CHL1: variants seen among roughly 807,000 people sequenced by gnomAD.
CHL1 encodes cell adhesion molecule L1 like, also known as neural cell adhesion molecule L1-like protein.
CHL1 carries 96 observed loss-of-function variants against 141.9 expected under a neutral mutation model. The ratio of observed to expected loss-of-function variants is 0.68; its 90% CI spans 0.57 to 0.80. CHL1 has a LOEUF of 0.80. CHL1 is among the 30% of genes least tolerant of loss of function. The probability of loss-of-function intolerance (pLI) is 0.00; values close to 1 mark genes in which losing one functional copy is unlikely to be tolerated. For synonymous variants in CHL1, 613 were observed against 502.2 expected, an observed-to-expected ratio of 1.22 and a Z score of -2.95; for missense variants, 1,820 against 1,457.2, an observed-to-expected ratio of 1.25 and a Z score of -4.05.
intron 2 of CHL1, among the ~76,000 whole-genome samples, chr3:272,341 T>C (rs1164336486): frequency 1.3e-5 from 2 of 152,198 alleles, no homozygotes; most frequent in Non-Finnish European, 2.9e-5. Flanking sequence ...ACTTTGTTGT[T>C]TTTGCATAGA....
chr3:322,795 G>C (rs1315967389), intron 3 of CHL1, among the ~76,000 whole-genome samples: 1 of 150,468 alleles, frequency 6.6e-6, no homozygotes, highest in Non-Finnish European at 1.5e-5. Flanking sequence ...AGTGAGCCAT[G>C]ATCATGCCAC....
chr3:352,963 AT>A (rs907730979), intron 10 of CHL1, among the ~76,000 whole-genome samples: 1 of 152,176 alleles, frequency 6.6e-6, no homozygotes, highest in Non-Finnish European at 1.5e-5. Context: ...CTGCTCATCC[AT>A]AGTTGCTGTG....
chr3:360,110 GA>G (rs1212942440), intron 11 of CHL1, among the ~76,000 whole-genome samples, 173 bp from the exon 12 acceptor site: 1 of 152,154 alleles, frequency 6.6e-6, no homozygotes, highest in Non-Finnish European at 1.5e-5. Context: ...CATGGATCTG[GA>G]AAGAAAAGTC....
intron 2 of CHL1, among the ~76,000 whole-genome samples, chr3:318,345 T>C (rs539721711): frequency 6.6e-6 from 1 of 152,040 alleles, no homozygotes; most frequent in East Asian, 1.9e-4. Context: ...ACTATCTCTG[T>C]GTTAGCTAAC....
At chr3:316,149 G>A (rs1235345205) in intron 2 of CHL1, among the ~76,000 whole-genome samples, 3 of 152,030 alleles carry the variant, frequency 2.0e-5, no homozygotes, top group South Asian at 2.1e-4. Flanking sequence ...TGTACATGTG[G>A]CTGGGAAGGG....
At chr3:258,352 G>A (rs1694374460) in intron 2 of CHL1, among the ~76,000 whole-genome samples, 1 of 152,224 alleles carries the variant, frequency 6.6e-6, no homozygotes. Flanking sequence ...GGATACTGAA[G>A]GGTATTGCCA....
intron 2 of CHL1, among the ~76,000 whole-genome samples, chr3:312,176 C>T (rs1016193768): frequency 2.6e-5 from 4 of 152,174 alleles, no homozygotes; most frequent in African/African-American, 9.6e-5. Context: ...GTTTATCCCA[C>T]ATCATTATTA....
chr3:240,438 A>T (rs894877022), intron 1 of CHL1, among the ~76,000 whole-genome samples: 3 of 151,938 alleles, frequency 2.0e-5, no homozygotes, highest in Non-Finnish European at 2.9e-5. Flanking sequence ...CCACTTTATG[A>T]TGGGATTTTT....
At chr3:358,752 A>C (rs1703940782) in intron 11 of CHL1, among the ~76,000 whole-genome samples, 1 of 151,922 alleles carries the variant, frequency 6.6e-6, no homozygotes, top group Non-Finnish European at 1.5e-5. Flanking sequence ...AAGATGTGTA[A>C]GTCTTTTATT....
At chr3:380,104 TAG>T (rs935720366) in intron 16 of CHL1, among the ~76,000 whole-genome samples, 1 of 152,212 alleles carries the variant, frequency 6.6e-6, no homozygotes, top group African/African-American at 2.4e-5. Flanking sequence ...TACACAGCCT[TAG>T]TTTATTCCAG....
At chr3:237,027 C>T (rs1025518673) in intron 1 of CHL1, among the ~76,000 whole-genome samples, 6 of 152,138 alleles carry the variant, frequency 3.9e-5, no homozygotes, top group African/African-American at 4.8e-5. Context: ...TCGTTAGGAC[C>T]TCTGACTTGC....
At chr3:222,018 C>T (rs1306584099) in intron 1 of CHL1, among the ~76,000 whole-genome samples, 3 of 152,166 alleles carry the variant, frequency 2.0e-5, no homozygotes, top group African/African-American at 7.2e-5. Flanking sequence ...ATAAAGGCAG[C>T]ATATATTTTG....
intron 1 of CHL1, among the ~76,000 whole-genome samples, chr3:242,695 C>CAGAG (rs1184647224): frequency 6.2e-5 from 9 of 145,744 alleles, no homozygotes; most frequent in Non-Finnish European, 1.1e-4. Flanking sequence ...CACACACACA[C>CAGAG]ACAGAGAGAG....
intron 2 of CHL1, among the ~76,000 whole-genome samples, chr3:284,128 C>T (rs1407104449): frequency 1.3e-5 from 2 of 152,002 alleles, no homozygotes; most frequent in Non-Finnish European, 2.9e-5. Flanking sequence ...TACAGACTTT[C>T]GGTGGAACTA....
rs76152911 is a variant in CHL1, at chr3:287,347, A to G, written c.-94-32336A>G. Among the ~76,000 whole-genome samples, 88 of 152,280 alleles carry G rather than the reference A, an allele frequency of 5.8e-4. No homozygotes were observed. In the East Asian group the frequency reaches 0.01, roughly 18 times the overall value. The stretch of plus-strand genomic sequence containing the variant: ...CCAGGTACATGCAGACACTCAATGT[A>G]TATTGAATGTTGAAGAACTTTTCCT... On this transcript the variant is annotated intron_variant, in intron 2 of 27. Coordinates refer to ENST00000256509, the MANE Select transcript of CHL1 (RefSeq NM_006614.4).
intron 1 of CHL1, among the ~76,000 whole-genome samples, chr3:231,927 A>G (rs1701902727): frequency 6.6e-6 from 1 of 152,074 alleles, no homozygotes; most frequent in East Asian, 1.9e-4. Flanking sequence ...ACTCAACTAT[A>G]CTTTCAGCTT....
At chr3:280,235 A>AT (rs1696517196) in intron 2 of CHL1, among the ~76,000 whole-genome samples, 2 of 151,650 alleles carry the variant, frequency 1.3e-5, no homozygotes, top group African/African-American at 4.9e-5. Context: ...TAGTGTACCT[A>AT]ACAGTGATGA....
intron 2 of CHL1, among the ~76,000 whole-genome samples, chr3:276,657 A>AG (rs1289394139): frequency 2.0e-5 from 3 of 151,974 alleles, no homozygotes; most frequent in Non-Finnish European, 4.4e-5. Context: ...TGGGAGGCCG[A>AG]GGGGGGCGGA....
chr3:262,678 G>T (rs1694832263), intron 2 of CHL1, among the ~76,000 whole-genome samples: 2 of 152,230 alleles, frequency 1.3e-5, no homozygotes, highest in Non-Finnish European at 2.9e-5. Context: ...AAACAGGATT[G>T]TTTTAAAGCA....
Sources: allele counts gnomAD v4.1 joint callset (sites outside exome capture counted in the v4.1 genomes callset), GRCh38; gene constraint gnomAD v4.1.1; transcripts MANE v1.5; gene names NCBI Gene and HGNC (gene_info 2026-07-23, HGNC 2026-07-21).